ARID2: variants seen among roughly 807,000 people sequenced by gnomAD.
The protein encoded by ARID2 is AT-rich interactive domain-containing protein 2.
Under a neutral mutation model 184.6 loss-of-function variants are expected in ARID2, and 32 were observed. That is an observed-to-expected ratio of 0.17 (90% CI 0.13 to 0.23). The LOEUF (loss-of-function observed/expected upper bound fraction) is 0.23. ARID2 is among the 10% of genes least tolerant of loss of function. The pLI, the probability that ARID2 is intolerant of heterozygous loss-of-function variation, is 1.00. For synonymous variants in ARID2, 836 were observed against 772.6 expected (o/e 1.08, Z -1.36); for missense variants, 1,696 against 2,197.6 (o/e 0.77, Z 4.56).
intron 10 of ARID2, among the ~76,000 whole-genome samples, chr12:45,838,868 G>GTTTT (rs537586640): frequency 7.4e-6 from 1 of 135,612 alleles, no homozygotes; most frequent in African/African-American, 2.7e-5. Flanking sequence ...AAAATGTTTT[G>GTTTT]TTTTTTTTTT....
chr12:45,885,660 A>C (rs1944174275), intron 16 of ARID2, among the ~76,000 whole-genome samples: 2 of 152,204 alleles, frequency 1.3e-5, no homozygotes, highest in Non-Finnish European at 2.9e-5. Context: ...ATTGACTCAC[A>C]CTTCTGCAGG....
rs1005687469 is a variant in ARID2, at chr12:45,746,175, A to G, written c.284+14861A>G. On this transcript the variant is annotated intron_variant, in intron 3 of 20. Transcript: ENST00000334344. ...CTGGAGAATGAAGAGTAGTGGTGCA[A>G]TCATGGTTCACTGCAGCCTCAACCT... 6.0e-5 allele frequency among the ~76,000 whole-genome samples: 9 copies of G among 151,140 alleles called. No homozygotes were observed. The South Asian group carries it at 6.3e-4, about 11-fold the overall frequency.
chr12:45,808,736 CGTGTGTGTGTGTGT>C (rs138992855), intron 3 of ARID2, among the ~76,000 whole-genome samples: 2 of 147,504 alleles, frequency 1.4e-5, no homozygotes, highest in Admixed American at 1.4e-4. Context: ...TGTTTGCGTG[CGTGTGTGTGTGTGT>C]GTGTGTGTGT....
At chr12:45,892,181 T>C (rs534874185) in intron 18 of ARID2, 85 bp downstream of exon 18, 2 of 1,351,768 alleles carry the variant, frequency 1.5e-6, no homozygotes, top group South Asian at 1.4e-5. Context: ...CTTAGCATAT[T>C]AGGAGACCAG....
intron 16 of ARID2, among the ~76,000 whole-genome samples, chr12:45,880,640 T>C (rs1478360831): frequency 6.6e-6 from 1 of 152,240 alleles, no homozygotes; most frequent in African/African-American, 2.4e-5. Flanking sequence ...TTATGAAGAT[T>C]AAACACATTA....
intron 16 of ARID2, among the ~76,000 whole-genome samples, chr12:45,865,012 AT>A (rs1237070760): frequency 1.3e-5 from 2 of 152,130 alleles, no homozygotes; most frequent in African/African-American, 4.8e-5. Flanking sequence ...CATATTTGAG[AT>A]ATTTCAGTCA....
At chr12:45,899,464 G>T (rs928590523) in intron 20 of ARID2, among the ~76,000 whole-genome samples, 15 of 149,306 alleles carry the variant, frequency 1.0e-4, no homozygotes, top group Non-Finnish European at 2.1e-4. Flanking sequence ...AAATTAGCTG[G>T]GCGTGGTGGC....
At chr12:45,869,604 C>T (rs1370281504) in intron 16 of ARID2, among the ~76,000 whole-genome samples, 1 of 151,884 alleles carries the variant, frequency 6.6e-6, no homozygotes, top group Non-Finnish European at 1.5e-5. Flanking sequence ...ATGTCTAGGC[C>T]AGGTGTCGTG....
intron 16 of ARID2, among the ~76,000 whole-genome samples, chr12:45,871,839 C>T (rs1170127871): frequency 1.3e-5 from 2 of 152,128 alleles, no homozygotes; most frequent in East Asian, 3.8e-4. Context: ...TGAGTTTTGG[C>T]AGATTGTGTC....
At position 45,817,852 on chromosome 12, in the gene ARID2, A is replaced by T. The variant is rs1942833462; in HGVS notation, c.601A>T (p.Thr201Ser). 1.2e-6 allele frequency: 2 copies of T among 1,613,136 alleles called. No homozygotes were observed. The highest frequency in any genetic ancestry group is 4.5e-5 in the East Asian group (2 of 44,810). ...MQLEKDPKIITLLLANAGVFD... is the reference protein window; with the variant it reads ...MQLEKDPKIISLLLANAGVFD... ...ACTTGAAAAAGATCCTAAAATCATC[A>T]CTTTACTACTTGCTAATGCCGGGGT... is the stretch of plus-strand genomic sequence containing the variant. Residue 201 changes from threonine (T) to serine (S), a missense_variant, in exon 5 of 21, where the codon ACT becomes TCT. Thr to Ser is a moderately conservative substitution (Grantham distance 58, BLOSUM62 1). Coordinates refer to ENST00000334344, the MANE Select transcript of ARID2 (RefSeq NM_152641.4).
At chr12:45,741,068 C>G (rs1941244398) in intron 3 of ARID2, among the ~76,000 whole-genome samples, 2 of 152,180 alleles carry the variant, frequency 1.3e-5, no homozygotes, top group Non-Finnish European at 2.9e-5. Context: ...GTTTTAACAT[C>G]CACTGATGGT....
At chr12:45,899,931 C>T (rs1944435889) in intron 20 of ARID2, among the ~76,000 whole-genome samples, 1 of 151,916 alleles carries the variant, frequency 6.6e-6, no homozygotes, top group African/African-American at 2.4e-5. Context: ...ATAAACCTCT[C>T]TTCTTCCCAC....
At position 45,849,745 on chromosome 12, in the gene ARID2, T is replaced by A. The variant is rs1454993651; in HGVS notation, c.1881T>A (p.Val627=). 6.2e-7 allele frequency: 1 copy of A among 1,613,330 alleles called. No homozygotes were observed. Among genetic ancestry groups the A allele is most frequent in the Non-Finnish European group, 8.5e-7 (1 of 1,179,610 alleles). ...CTTCTGTTGTTCGTGTTGATTCTGTTCCTGATGTATCTCCTGCTCCTTCAC... is the reference window on the plus strand; with the variant it reads ...CTTCTGTTGTTCGTGTTGATTCTGTACCTGATGTATCTCCTGCTCCTTCAC... The part of the protein sequence containing the change: ...VSTSVVRVDS[V]PDVSPAPSPA... Residue 627 remains valine, a synonymous_variant, in exon 14 of 21, where the codon GTT becomes GTA. Transcript: ENST00000334344.
chr12:45,898,453 A>G (rs751127422), intron 20 of ARID2, among the ~76,000 whole-genome samples: 8 of 152,230 alleles, frequency 5.3e-5, no homozygotes, highest in Non-Finnish European at 1.0e-4. Context: ...TGTATGTTTT[A>G]CCACAATGGA....
chr12:45,886,067 GTC>G (rs1407844951), intron 16 of ARID2, among the ~76,000 whole-genome samples: 1 of 152,102 alleles, frequency 6.6e-6, no homozygotes, highest in Non-Finnish European at 1.5e-5. Flanking sequence ...CAAGTCCAAA[GTC>G]TCATTTGAGA....
intron 11 of ARID2, among the ~76,000 whole-genome samples, chr12:45,842,385 CATACAT>C (rs1424296034): frequency 6.6e-6 from 1 of 151,126 alleles, no homozygotes; most frequent in African/African-American, 2.4e-5. Flanking sequence ...ATAAAACACA[CATACAT>C]ATATTTTATC....
At chr12:45,762,082 G>A (rs896384270) in intron 3 of ARID2, among the ~76,000 whole-genome samples, 1 of 151,900 alleles carries the variant, frequency 6.6e-6, no homozygotes, top group Non-Finnish European at 1.5e-5. Flanking sequence ...ATTTTTTCAT[G>A]TCTGCCTGAG....
Position 45,892,024 on chromosome 12 carries a change from C to T in ARID2, c.5075C>T (p.Ser1692Leu). Residue 1692 changes from serine to leucine, a missense_variant, in exon 18 of 21, where the codon TCA (serine) becomes TTA (leucine). Transcript: ENST00000334344. ...FITHLQDKHC[S>L]KDALLAGLKQ... ...TTCCTCAAAAAGGATAAGCACTGTT[C>T]AAAGGATGCCCTACTTGCAGGATTA... 1 of 1,614,064 alleles carries T rather than the reference C, an allele frequency of 6.2e-7. No homozygotes were observed. Among genetic ancestry groups the T allele is most frequent in the Non-Finnish European group, 8.5e-7 (1 of 1,179,996 alleles).
chr12:45,853,331 A>C (rs1300910274), intron 15 of ARID2, among the ~76,000 whole-genome samples: 2 of 152,176 alleles, frequency 1.3e-5, no homozygotes, highest in African/African-American at 4.8e-5. Context: ...AATAAGGATG[A>C]ATCTTGTAAT....
Sources: allele counts gnomAD v4.1 joint callset (sites outside exome capture counted in the v4.1 genomes callset), GRCh38; gene constraint gnomAD v4.1.1; transcripts MANE v1.5; gene names NCBI Gene and HGNC (gene_info 2026-07-23, HGNC 2026-07-21).